The following GPC6 variants were observed in gnomAD, a reference collection of about 807,000 sequenced individuals.
GPC6 encodes glypican-6.
GPC6 carries 14 observed loss-of-function variants against 55.2 expected under a neutral mutation model. That is an observed-to-expected ratio of 0.25 (90% CI 0.17 to 0.40). The LOEUF (loss-of-function observed/expected upper bound fraction) is 0.40. GPC6 is among the 10% of genes least tolerant of loss of function. The probability of loss-of-function intolerance (pLI) is 1.00; values close to 1 mark genes in which losing one functional copy is unlikely to be tolerated. For synonymous variants in GPC6, 278 were observed against 259.6 expected, an observed-to-expected ratio of 1.07 and a Z score of -0.68; for missense variants, 641 against 708.5, an observed-to-expected ratio of 0.90 and a Z score of 1.08.
chr13:94,283,678 C>T (rs1336496313), intron 4 of GPC6, among the ~76,000 whole-genome samples: 1 of 152,184 alleles, frequency 6.6e-6, no homozygotes, highest in Non-Finnish European at 1.5e-5. Context: ...AAATTACATA[C>T]TGCTTTAGGG....
intron 5 of GPC6, among the ~76,000 whole-genome samples, chr13:94,301,392 G>A (rs145168264): frequency 8.6e-5 from 13 of 151,976 alleles, no homozygotes; most frequent in East Asian, 7.8e-4. Flanking sequence ...GTGAGACCCC[G>A]TCTCTAAAAT....
At chr13:93,364,005 G>A (rs1408446887) in intron 1 of GPC6, among the ~76,000 whole-genome samples, 1 of 152,076 alleles carries the variant, frequency 6.6e-6, no homozygotes, top group East Asian at 1.9e-4. Flanking sequence ...TTGTAAATTT[G>A]TTTGAGTTCA....
intron 4 of GPC6, among the ~76,000 whole-genome samples, chr13:94,157,002 C>T (rs181574424): frequency 1.3e-5 from 2 of 152,214 alleles, no homozygotes; most frequent in Admixed American, 6.6e-5. Context: ...ACCCACTATG[C>T]GCGAGGAGCT....
chr13:93,822,471 C>G (rs1018870731), intron 2 of GPC6, among the ~76,000 whole-genome samples: 25 of 152,096 alleles, frequency 1.6e-4, no homozygotes, highest in Admixed American at 1.0e-3. Flanking sequence ...TTACACTTTA[C>G]ATTCTGAGGT....
chr13:93,792,368 T>A (rs1339609015), intron 2 of GPC6, among the ~76,000 whole-genome samples: 1 of 152,246 alleles, frequency 6.6e-6, no homozygotes, highest in African/African-American at 2.4e-5. Flanking sequence ...GGGAGTGCAG[T>A]GGCGTGATCT....
At chr13:94,065,280 A>T (rs1374588000) in intron 4 of GPC6, among the ~76,000 whole-genome samples, 2 of 152,184 alleles carry the variant, frequency 1.3e-5, no homozygotes, top group African/African-American at 2.4e-5. Flanking sequence ...GATCAGTCCC[A>T]GGCTAACAAG....
chr13:94,156,617 A>G (rs920405903), intron 4 of GPC6, among the ~76,000 whole-genome samples: 5 of 152,138 alleles, frequency 3.3e-5, no homozygotes, highest in Admixed American at 6.6e-5. Flanking sequence ...TCTTCTATGA[A>G]TACTTTGTGA....
intron 1 of GPC6, among the ~76,000 whole-genome samples, chr13:93,401,478 AT>A (rs1019256266): frequency 1.3e-5 from 2 of 151,862 alleles, no homozygotes; most frequent in African/African-American, 4.8e-5. Flanking sequence ...CTAAAAGAGA[AT>A]TATTGCAATT....
intron 2 of GPC6, among the ~76,000 whole-genome samples, chr13:93,677,400 C>G (rs951432698): frequency 9.9e-5 from 15 of 151,790 alleles, no homozygotes; most frequent in Admixed American, 8.5e-4. Flanking sequence ...ATTACAAAGG[C>G]AAAACAGTGA....
chr13:94,270,909 GGGGCAC>G (rs1483356667), intron 4 of GPC6, among the ~76,000 whole-genome samples: 1 of 150,092 alleles, frequency 6.7e-6, no homozygotes, highest in East Asian at 2.0e-4. Context: ...GCAGTTCCCA[GGGGCAC>G]TTGTTTGTTT....
intron 1 of GPC6, among the ~76,000 whole-genome samples, chr13:93,368,337 T>TTTCCTTCCTTCCTTCCTTCCTTCC (rs768601581): frequency 3.5e-4 from 32 of 92,554 alleles, no homozygotes; most frequent in African/African-American, 1.4e-3. Flanking sequence ...CCCTCCCTGC[T>TTTCCTTCCTTCCTTCCTTCCTTCC]TTCCTTCCTT....
chr13:94,088,266 T>A (rs1885358591), intron 4 of GPC6, among the ~76,000 whole-genome samples: 1 of 152,288 alleles, frequency 6.6e-6, no homozygotes, highest in East Asian at 1.9e-4. Flanking sequence ...CAGAGCCTGA[T>A]ACATGGTAAA....
intron 2 of GPC6, among the ~76,000 whole-genome samples, chr13:93,750,932 G>A (rs1054507766): frequency 2.6e-5 from 4 of 152,146 alleles, no homozygotes; most frequent in African/African-American, 4.8e-5. Flanking sequence ...ATGTCCAGGG[G>A]AATCCGGAGA....
At chr13:93,857,689 A>G (rs939820074) in intron 3 of GPC6, among the ~76,000 whole-genome samples, 1 of 151,606 alleles carries the variant, frequency 6.6e-6, no homozygotes, top group South Asian at 2.1e-4. Context: ...TTCTGAACAC[A>G]TTGTTTTCAG....
chr13:93,312,860 T>C (rs1402589282), intron 1 of GPC6, among the ~76,000 whole-genome samples: 1 of 152,164 alleles, frequency 6.6e-6, no homozygotes, highest in Non-Finnish European at 1.5e-5. Context: ...GATGGTTTAA[T>C]TTGATTTTAA....
At chr13:94,240,609 T>A (rs1891028345) in intron 4 of GPC6, among the ~76,000 whole-genome samples, 4 of 148,934 alleles carry the variant, frequency 2.7e-5, no homozygotes. Context: ...TATTCCAGTG[T>A]TGGGAGACAG....
chr13:93,583,007 A>C (rs1413295612), intron 2 of GPC6, among the ~76,000 whole-genome samples: 1 of 152,234 alleles, frequency 6.6e-6, no homozygotes, highest in African/African-American at 2.4e-5. Context: ...CTTAAAACAC[A>C]GAGGTAAAAG....
chr13:94,279,088 C>G (rs933037550), intron 4 of GPC6, among the ~76,000 whole-genome samples: 3 of 151,978 alleles, frequency 2.0e-5, no homozygotes, highest in Non-Finnish European at 2.9e-5. Context: ...GGTTGGTAGG[C>G]TATTAATTAC....
At chr13:94,190,247 G>C (rs189387398) in intron 4 of GPC6, among the ~76,000 whole-genome samples, 46 of 152,144 alleles carry the variant, frequency 3.0e-4, no homozygotes, top group African/African-American at 1.1e-3. Flanking sequence ...TTGAACCCGG[G>C]AGGCGGAGGT....
Sources: gnomAD v4.1 joint callset for allele counts (sites outside exome capture counted in the v4.1 genomes callset) on GRCh38, gnomAD v4.1.1 for gene constraint, MANE v1.5 for transcripts, NCBI Gene and HGNC (gene_info 2026-07-23, HGNC 2026-07-21) for gene names.